STK32C: variants seen among roughly 807,000 people sequenced by gnomAD.
The protein encoded by STK32C is serine/threonine-protein kinase 32C.
A neutral mutation model predicts 56.5 loss-of-function variants in STK32C; 31 were observed. The observed-to-expected ratio is 0.55, with a 90% CI of 0.41 to 0.74. The LOEUF (loss-of-function observed/expected upper bound fraction) is 0.74, where lower values mean the gene tolerates loss of function less well. Ranked by LOEUF, STK32C falls within the 30% of genes least tolerant of loss-of-function variation. STK32C has a pLI of 0.00. For synonymous variants in STK32C, 309 were observed against 289.4 expected (o/e 1.07, Z -0.69); for missense variants, 544 against 676.9 (o/e 0.80, Z 2.18).
chr10:132,289,406 C>T (rs1721655415), intron 1 of STK32C, among the ~76,000 whole-genome samples: 1 of 152,190 alleles, frequency 6.6e-6, no homozygotes, highest in African/African-American at 2.4e-5. Flanking sequence ...GTGCATCTGT[C>T]CACCAAAGGA....
intron 1 of STK32C, among the ~76,000 whole-genome samples, chr10:132,265,824 C>T (rs976121871): frequency 6.6e-6 from 1 of 152,156 alleles, no homozygotes; most frequent in Non-Finnish European, 1.5e-5. Flanking sequence ...CCCCTCCATC[C>T]CCCCGGACAG....
intron 1 of STK32C, among the ~76,000 whole-genome samples, chr10:132,253,287 C>T (rs2138002824): frequency 6.6e-6 from 1 of 152,310 alleles, no homozygotes; most frequent in Admixed American, 6.5e-5. Flanking sequence ...TCCTGCCGGG[C>T]CTGGGAACTG....
At chr10:132,253,722 T>C (rs2138009815) in intron 1 of STK32C, among the ~76,000 whole-genome samples, 1 of 152,248 alleles carries the variant, frequency 6.6e-6, no homozygotes, top group Admixed American at 6.5e-5. Flanking sequence ...CCACAGCACA[T>C]CTAAGGCCAA....
chr10:132,247,114 G>C (rs963798592), intron 1 of STK32C, among the ~76,000 whole-genome samples: 1 of 152,216 alleles, frequency 6.6e-6, no homozygotes, highest in Non-Finnish European at 1.5e-5. Flanking sequence ...AAGGCCAGAG[G>C]CAGACCCGGG....
chr10:132,226,741 T>G (rs530731241), intron 4 of STK32C, 54 bp downstream of exon 4: 1 of 1,588,100 alleles, frequency 6.3e-7, no homozygotes, highest in Admixed American at 1.7e-5. Context: ...GACCTAAGGC[T>G]GCTTCAGCCC....
chr10:132,274,630 G>A (rs909919425), intron 1 of STK32C, among the ~76,000 whole-genome samples: 1 of 152,190 alleles, frequency 6.6e-6, no homozygotes, highest in Non-Finnish European at 1.5e-5. Context: ...CAGGAGCCAC[G>A]GACGCCGGAT....
chr10:132,288,209 C>A (rs2065467123), intron 1 of STK32C, among the ~76,000 whole-genome samples: 2 of 152,110 alleles, frequency 1.3e-5, no homozygotes, highest in Admixed American at 1.3e-4. Flanking sequence ...TCAACCCTCA[C>A]CGCATGTGAA....
At chr10:132,209,277 T>A (rs777352747) in intron 10 of STK32C, 176 bp from the exon 11 acceptor site, 11 of 709,822 alleles carry the variant, frequency 1.5e-5, no homozygotes, top group Non-Finnish European at 2.6e-5. Flanking sequence ...GGAGCTCGCA[T>A]CTCTGCGGGT....
rs1196581183 is a variant in STK32C at position 132,305,379 on chromosome 10, A to G, written c.262+2193T>C. 3.3e-5 allele frequency among the ~76,000 whole-genome samples: 5 copies of G among 152,256 alleles called. No individual in the cohort carries two copies. The East Asian group carries it at 9.6e-4, about 29-fold the overall frequency. The stretch of plus-strand genomic sequence containing the variant: ...TTTACCTGGCACTTTGTTAAACAGC[A>G]CTCTTAATTTCTTTTTTCCTTTTCT... On this transcript the variant is annotated intron_variant, in intron 1 of 11. Transcript: ENST00000298630.
At chr10:132,260,685 A>T (rs1372791560) in intron 1 of STK32C, among the ~76,000 whole-genome samples, 3 of 152,346 alleles carry the variant, frequency 2.0e-5, no homozygotes, top group South Asian at 2.1e-4. Flanking sequence ...GGGCCCCGTG[A>T]TCGAGTCTGT....
intron 2 of STK32C, among the ~76,000 whole-genome samples, chr10:132,237,329 C>G (rs2063329631): frequency 6.6e-6 from 1 of 152,200 alleles, no homozygotes; most frequent in Admixed American, 6.5e-5. Context: ...CCTTGCAGCT[C>G]TAAGGCAAAG....
At chr10:132,282,423 G>A (rs1297324351) in intron 1 of STK32C, among the ~76,000 whole-genome samples, 1 of 152,044 alleles carries the variant, frequency 6.6e-6, no homozygotes, top group East Asian at 1.9e-4. Context: ...CTACCCACCT[G>A]TGCCTGCGCC....
chr10:132,225,404 G>A (rs183535649), intron 6 of STK32C, 68 bp from the exon 7 acceptor site: 158 of 1,579,924 alleles, frequency 1.0e-4, no homozygotes, highest in Admixed American at 4.5e-4. Flanking sequence ...GCACAGGGCC[G>A]GCACCTTGAG....
intron 1 of STK32C, among the ~76,000 whole-genome samples, chr10:132,262,303 G>A (rs1241127107): frequency 6.6e-6 from 1 of 152,086 alleles, no homozygotes; most frequent in East Asian, 1.9e-4. Flanking sequence ...TCAAGACAAA[G>A]ACTGAAATGT....
In STK32C at chr10:132,216,487, G is replaced by A. The variant is rs967808751; in HGVS notation, c.1251+6154C>T. Reference sequence around the variant, plus strand: ...TGTCTCAAAAAAAAAAAAAAAGAGAGAAAAAAAAGAAAACCCCATTTTCTG... The same window carrying A: ...TGTCTCAAAAAAAAAAAAAAAGAGAAAAAAAAAAGAAAACCCCATTTTCTG... On this transcript the variant is annotated intron_variant, in intron 10 of 11. Coordinates refer to ENST00000298630, the MANE Select transcript of STK32C (RefSeq NM_173575.4). Among the ~76,000 whole-genome samples the A allele has an allele frequency of 6.7e-5, 10 of 149,874 alleles. No individual in the cohort carries two copies. In the East Asian group the frequency reaches 1.8e-3, roughly 26 times the overall value.
chr10:132,308,847 A>G (rs772975245), upstream of STK32C, among the ~76,000 whole-genome samples: 13 of 152,144 alleles, frequency 8.5e-5, no homozygotes, highest in Middle Eastern at 3.2e-3. Context: ...CTTGCGCGGA[A>G]AGTGCTGGGC....
intron 11 of STK32C, among the ~76,000 whole-genome samples, chr10:132,208,484 T>G (rs1311494862): frequency 6.6e-6 from 1 of 152,144 alleles, no homozygotes; most frequent in Non-Finnish European, 1.5e-5. Flanking sequence ...AGGGTGCCAG[T>G]CAGTGCCCTC....
At position 132,307,878 on chromosome 10, in the gene STK32C, CGGCCGGCAG is replaced by C. The variant is rs2066128412; in HGVS notation, c.-54_-46del. On this transcript the variant is annotated 5_prime_UTR_variant, in exon 1 of 12. Coordinates refer to ENST00000298630, the MANE Select transcript of STK32C (RefSeq NM_173575.4). The surrounding 1 kb of genome is among the most constrained non-coding windows in gnomAD (Gnocchi z 4.4). ...CGGCAGCCGGAACTCGGGGCATGGC[CGGCCGGCAG>C]GGCCGGGAGCGGCAGTGGTAGCGGG... 6.1e-6 allele frequency: 7 copies of C among 1,141,154 alleles called. No homozygotes were observed. Among genetic ancestry groups the C allele is most frequent in the Non-Finnish European group, 7.6e-6 (7 of 923,948 alleles). The allele number at this position is 1,141,154 out of a possible 1,614,324, so 70.7% of individuals were successfully genotyped here. A position where few individuals can be genotyped will look rare whatever the true frequency, so the allele number is the denominator to read the frequency against.
chr10:132,219,731 T>C (rs1836614537), intron 10 of STK32C, among the ~76,000 whole-genome samples: 1 of 152,100 alleles, frequency 6.6e-6, no homozygotes. Flanking sequence ...GATGGGAGCC[T>C]GACCCACTGG....
Sources: gnomAD v4.1 joint callset for allele counts (sites outside exome capture counted in the v4.1 genomes callset) on GRCh38, gnomAD v4.1.1 for gene constraint, Gnocchi (gnomAD v3.1) non-coding constraint, MANE v1.5 for transcripts, NCBI Gene and HGNC (gene_info 2026-07-23, HGNC 2026-07-21) for gene names.